Variants in MYH10 observed in about 807,000 individuals in gnomAD.
MYH10 encodes myosin heavy chain 10.
Under a neutral mutation model 257.8 loss-of-function variants are expected in MYH10, and 55 were observed. The observed-to-expected ratio is 0.21, with a 90% CI of 0.17 to 0.27. The LOEUF is 0.27. MYH10 is among the 10% of genes least tolerant of loss of function. The probability of loss-of-function intolerance (pLI) is 1.00; values close to 1 mark genes in which losing one functional copy is unlikely to be tolerated. For synonymous variants in MYH10, 854 were observed against 921.7 expected (o/e 0.93, Z 1.33); for missense variants, 1,631 against 2,500.6 (o/e 0.65, Z 7.42).
chr17:8,626,395 G>A (rs945731015), intron 1 of MYH10, among the ~76,000 whole-genome samples: 4 of 151,692 alleles, frequency 2.6e-5, no homozygotes, highest in Non-Finnish European at 2.9e-5. Context: ...GCGAAACCCC[G>A]TCTCTACAAA....
At chr17:8,602,633 T>C (rs940207810) in intron 3 of MYH10, among the ~76,000 whole-genome samples, 1 of 152,230 alleles carries the variant, frequency 6.6e-6, no homozygotes, top group African/African-American at 2.4e-5. Context: ...ATTTTCTGTA[T>C]CAAACTTTTA....
intron 33 of MYH10, 122 bp from the exon 34 acceptor site, chr17:8,492,631 C>CTTTTTTTTTTTTTTTTTTTTTTTCTT: frequency 4.2e-6 from 4 of 949,304 alleles, no homozygotes; most frequent in South Asian, 1.9e-5. Context: ...CTTGTATTTC[C>CTTTTTTTTTTTTTTTTTTTTTTTCTT]TTTTTTTTTT....
chr17:8,561,024 C>T (rs936434643), intron 7 of MYH10: 2 of 554,824 alleles, frequency 3.6e-6, no homozygotes, highest in Non-Finnish European at 6.4e-6. Context: ...CTCAGGAGAG[C>T]ATCCCTCCAT....
chr17:8,480,017 T>TTC (rs1913411505), intron 40 of MYH10, 93 bp downstream of exon 40: 1 of 1,249,414 alleles, frequency 8.0e-7, no homozygotes. Flanking sequence ...TCTGCCCACG[T>TTC]GGTGGGGAGC....
chr17:8,493,471 C>A (rs970874395), intron 32 of MYH10, among the ~76,000 whole-genome samples: 10 of 152,050 alleles, frequency 6.6e-5, no homozygotes, highest in African/African-American at 2.4e-4. Flanking sequence ...TAGACTGTCA[C>A]TTAATTTCTT....
Position 8,522,936 on chromosome 17 carries a change from C to A in MYH10, c.1958-1651G>T, listed in dbSNP as rs2081705853. On this transcript the variant is annotated intron_variant, in intron 17 of 42. Coordinates refer to ENST00000360416, the MANE Select transcript of MYH10 (RefSeq NM_001256012.3). Reference sequence around the variant, plus strand: ...ACTCCTGGCTTTTTTAGGAGCTCCACCTTCTCCTGTACCCTACTTCCCCCT... The same window carrying A: ...ACTCCTGGCTTTTTTAGGAGCTCCAACTTCTCCTGTACCCTACTTCCCCCT... Among the ~76,000 whole-genome samples, 5 of 152,334 alleles carry A rather than the reference C, an allele frequency of 3.3e-5. 1 individual carries two copies. The South Asian group carries it at 1.0e-3, about 32-fold the overall frequency.
chr17:8,619,109 C>G (rs376299193), intron 2 of MYH10, among the ~76,000 whole-genome samples: 8 of 152,228 alleles, frequency 5.3e-5, no homozygotes, highest in Non-Finnish European at 8.8e-5. Context: ...AACCATCATA[C>G]ATTGATATGC....
At chr17:8,507,408 C>G (rs939229249) in intron 26 of MYH10, among the ~76,000 whole-genome samples, 9 of 152,240 alleles carry the variant, frequency 5.9e-5, no homozygotes, top group South Asian at 4.1e-4. Flanking sequence ...TCTCTAGCTG[C>G]TCTTTCCAAC....
intron 13 of MYH10, among the ~76,000 whole-genome samples, chr17:8,542,665 G>A (rs1209631440): frequency 6.6e-6 from 1 of 152,180 alleles, no homozygotes; most frequent in East Asian, 1.9e-4. Context: ...CAAAGGCTTG[G>A]AAAAACCAGA....
At chr17:8,500,355 G>A (rs943635518) in intron 29 of MYH10, among the ~76,000 whole-genome samples, 3 of 152,114 alleles carry the variant, frequency 2.0e-5, no homozygotes, top group African/African-American at 4.8e-5. Flanking sequence ...ATACAGAAGC[G>A]GGAACAATGA....
In MYH10 at chr17:8,618,459, G is replaced by A. The variant is rs562886265; in HGVS notation, c.345+4443C>T. The stretch of plus-strand genomic sequence containing the variant: ...TCTCCATGTTGGTCAGGCTGGTCTC[G>A]AACTCCTGACCTCTGGTGATCCGCC... On this transcript the variant is annotated intron_variant, in intron 2 of 42. Transcript: ENST00000360416. Among the ~76,000 whole-genome samples, 6 of 152,150 alleles carry A rather than the reference G, an allele frequency of 3.9e-5. No individual in the cohort carries two copies. In the East Asian group the frequency reaches 5.8e-4, roughly 15 times the overall value.
chr17:8,598,496 A>C (rs2084470664), intron 3 of MYH10, among the ~76,000 whole-genome samples: 1 of 152,136 alleles, frequency 6.6e-6, no homozygotes, highest in African/African-American at 2.4e-5. Flanking sequence ...TGTACTTTTA[A>C]GTACCTTTTT....
intron 17 of MYH10, among the ~76,000 whole-genome samples, chr17:8,524,280 A>G (rs998297288): frequency 2.6e-5 from 4 of 151,796 alleles, no homozygotes; most frequent in East Asian, 1.9e-4. Context: ...GTCTCTACTA[A>G]AAGTACAACA....
At chr17:8,589,877 T>A (rs1381681331) in intron 3 of MYH10, among the ~76,000 whole-genome samples, 2 of 152,196 alleles carry the variant, frequency 1.3e-5, no homozygotes, top group Non-Finnish European at 2.9e-5. Flanking sequence ...AGTATTACTA[T>A]CCCTATTTCA....
At chr17:8,479,027 C>T (rs903050920) in intron 40 of MYH10, among the ~76,000 whole-genome samples, 8 of 152,206 alleles carry the variant, frequency 5.3e-5, no homozygotes, top group Non-Finnish European at 1.0e-4. Context: ...CCAGCGCACC[C>T]GGCCTGTACA....
intron 8 of MYH10, 168 bp downstream of exon 8, chr17:8,553,787 C>T (rs2082711500): frequency 1.8e-6 from 1 of 558,472 alleles, no homozygotes; most frequent in Non-Finnish European, 3.3e-6. Context: ...AACAAAACAA[C>T]TTGGAGTTAA....
intron 34 of MYH10, among the ~76,000 whole-genome samples, chr17:8,491,917 A>G (rs1464997254): frequency 6.6e-6 from 1 of 152,160 alleles, no homozygotes; most frequent in African/African-American, 2.4e-5. Flanking sequence ...GGGAGCTGCC[A>G]TTCCCTCCTC....
At chr17:8,479,552 C>T (rs978945719) in intron 40 of MYH10, among the ~76,000 whole-genome samples, 5 of 152,154 alleles carry the variant, frequency 3.3e-5, no homozygotes, top group South Asian at 2.1e-4. Flanking sequence ...GTTCTGGCCG[C>T]GAGCCCTGCA....
intron 7 of MYH10, among the ~76,000 whole-genome samples, chr17:8,567,728 C>T (rs1408970680): frequency 6.6e-6 from 1 of 152,188 alleles, no homozygotes; most frequent in African/African-American, 2.4e-5. Context: ...CACAGTGAAT[C>T]AGCAAGAGAA....
Sources: allele counts gnomAD v4.1 joint callset (sites outside exome capture counted in the v4.1 genomes callset), GRCh38; gene constraint gnomAD v4.1.1; transcripts MANE v1.5; gene names NCBI Gene and HGNC (gene_info 2026-07-23, HGNC 2026-07-21).